Variants in SH3TC2 observed in about 807,000 individuals in gnomAD.
SH3TC2 encodes the protein SH3 domain and tetratricopeptide repeat-containing protein 2.
A neutral mutation model predicts 124.5 loss-of-function variants in SH3TC2; 87 were observed. The ratio of observed to expected loss-of-function variants is 0.70; its 90% CI spans 0.59 to 0.84. The LOEUF (loss-of-function observed/expected upper bound fraction) is 0.84, where lower values mean the gene tolerates loss of function less well. Among genes scored for constraint, SH3TC2 ranks in the 40% least tolerant of loss-of-function variants. The pLI is 0.00. For missense variants in SH3TC2, 1,536 were observed against 1,566.4 expected (o/e 0.98, Z 0.33); for synonymous variants, 634 against 628.5 (o/e 1.01, Z -0.13).
In SH3TC2 at chr5:149,004,439, T is replaced by A; in HGVS notation, c.*272A>T. On this transcript the variant is annotated 3_prime_UTR_variant, in exon 17 of 17. Transcript: ENST00000515425. ...TCTCCAGAATTATGTATGGAGAAAG[T>A]GCTTTTCAGAGGCTGTTTGTGTGGA... 2.1e-6 allele frequency: 1 copy of A among 473,522 alleles called. No homozygotes were observed. Among genetic ancestry groups the A allele is most frequent in the Admixed American group, 3.6e-5 (1 of 27,748 alleles). The allele number at this position is 473,522 out of a possible 1,614,324, so 29.3% of individuals were successfully genotyped here.
At chr5:149,033,477 A>T (rs1427887113) in intron 8 of SH3TC2, among the ~76,000 whole-genome samples, 1 of 152,156 alleles carries the variant, frequency 6.6e-6, no homozygotes, top group Non-Finnish European at 1.5e-5. Context: ...CAAAAACCAA[A>T]CCCAGATTGG....
Position 148,990,685 on chromosome 5 carries a change from A to T in SH3TC2, c.*14026T>A, listed in dbSNP as rs1459484611. On this transcript the variant is annotated 3_prime_UTR_variant, in exon 17 of 17. Coordinates refer to ENST00000515425, the MANE Select transcript of SH3TC2 (RefSeq NM_024577.4). ...GAGGTTGTTGTGAACACAGAAAATG[A>T]AATCATGCATTCAAAGAATTTAATC... Among the ~76,000 whole-genome samples the T allele has an allele frequency of 1.3e-5, 2 of 152,244 alleles. No individual in the cohort carries two copies. The highest frequency in any genetic ancestry group is 2.9e-5 in the Non-Finnish European group (2 of 68,044).
At position 149,040,556 on chromosome 5, in the gene SH3TC2, G is replaced by A. The variant is rs372408904; in HGVS notation, c.805+48C>T. The A allele has an allele frequency of 1.5e-5, 23 of 1,531,594 alleles. No homozygotes were observed. In the African/African-American group the frequency reaches 2.9e-4, roughly 19 times the overall value. 94.9% of individuals were successfully genotyped at this position (1,531,594 alleles called of 1,614,324 possible). A position where few individuals can be genotyped will look rare whatever the true frequency, so the allele number is the denominator to read the frequency against. The stretch of plus-strand genomic sequence containing the variant: ...AACCTGCAGATAAAATTGAGAGGCA[G>A]GACAACATTATCTCCCTAACAATAC... On this transcript the variant is annotated intron_variant, in intron 7 of 16. Transcript: ENST00000515425.
At chr5:149,025,665 T>G (rs934008910) in intron 12 of SH3TC2, 3 of 152,172 alleles carry the variant, frequency 2.0e-5, no homozygotes, top group African/African-American at 7.2e-5. Context: ...CAAATGAGGA[T>G]GAAGCAGCAT....
At chr5:149,040,470 T>C (rs1754350338) in intron 7 of SH3TC2, 134 bp downstream of exon 7, 1 of 796,548 alleles carries the variant, frequency 1.3e-6, no homozygotes, top group Non-Finnish European at 2.2e-6. Context: ...AGACAGAAAC[T>C]GGCTTCCCTA....
chr5:149,057,928 G>T (rs1754679518), intron 1 of SH3TC2, among the ~76,000 whole-genome samples: 1 of 152,208 alleles, frequency 6.6e-6, no homozygotes, highest in African/African-American at 2.4e-5. Context: ...AAGCCAATGA[G>T]AATTAGTTCT....
Position 149,042,794 on chromosome 5 carries a change from C to T in SH3TC2, c.429G>A (p.Lys143=), listed in dbSNP as rs748964376. The part of the protein sequence containing the change: ...MCLEHLLFDH[K]YWLNCILVED... ...CCACCAATATGCAGTTGAGCCAGTA[C>T]TTGTGGTCAAAGAGGAGATGTTCTA... The change falls in exon 5 of 17, where the codon AAG becomes AAA. Residue 143 remains lysine, a synonymous_variant. Transcript: ENST00000515425. 1.9e-6 allele frequency: 3 copies of T among 1,614,158 alleles called. No homozygotes were observed. Among genetic ancestry groups the T allele is most frequent in the Admixed American group, 3.3e-5 (2 of 60,018 alleles).
Position 149,044,705 on chromosome 5 carries a change from G to A in SH3TC2, c.280-67C>T. 3.4e-6 allele frequency: 4 copies of A among 1,160,656 alleles called. No homozygotes were observed. The South Asian group carries it at 5.0e-5, about 14-fold the overall frequency. 71.9% of individuals were successfully genotyped at this position (1,160,656 alleles called of 1,614,324 possible). On this transcript the variant is annotated intron_variant, in intron 3 of 16. Coordinates refer to ENST00000515425, the MANE Select transcript of SH3TC2 (RefSeq NM_024577.4). ...TGTCCCATTAGCAAGCTCTTATATAGACCAAATACTCTGTATGAACTTCTT... is the reference window on the plus strand; with the variant it reads ...TGTCCCATTAGCAAGCTCTTATATAAACCAAATACTCTGTATGAACTTCTT...
At position 148,986,937 on chromosome 5, in the gene SH3TC2, G is replaced by A. The variant is rs1191277526; in HGVS notation, c.*17774C>T. Among the ~76,000 whole-genome samples, 1 of 152,184 alleles carries A rather than the reference G, an allele frequency of 6.6e-6. No individual in the cohort carries two copies. The highest frequency in any genetic ancestry group is 1.9e-4 in the East Asian group (1 of 5,192). On this transcript the variant is annotated 3_prime_UTR_variant, in exon 17 of 17. Transcript: ENST00000515425. ...ATGAGGTCATATCAAGAATTCCAAG[G>A]AGAGGCAGAGTTTTCAAAGACTCCA...
intron 8 of SH3TC2, among the ~76,000 whole-genome samples, chr5:149,037,655 T>G (rs1484336899): frequency 1.3e-5 from 2 of 152,116 alleles, no homozygotes; most frequent in Non-Finnish European, 2.9e-5. Flanking sequence ...TATCCCCACA[T>G]AGGAAGCCCA....
In SH3TC2 at chr5:149,004,922, G is replaced by A. The variant is rs185257638; in HGVS notation, c.3676-20C>T. ...GGCATCCTAACCCCGTGGTATGGGG[G>A]CAAAGAAGAGACAGCATTAGCAAAC... On this transcript the variant is annotated intron_variant, in intron 16 of 16. Coordinates refer to ENST00000515425, the MANE Select transcript of SH3TC2 (RefSeq NM_024577.4). The A allele has an allele frequency of 2.5e-6, 4 of 1,613,856 alleles. No homozygotes were observed. The highest frequency in any genetic ancestry group is 1.7e-5 in the Admixed American group (1 of 60,006).
chr5:149,012,468 C>G (rs1000766960), intron 13 of SH3TC2, 116 bp downstream of exon 13: 5 of 1,361,044 alleles, frequency 3.7e-6, no homozygotes, highest in Non-Finnish European at 5.2e-6. Context: ...CCTTTCTCCA[C>G]AGGCTTAGGG....
intron 16 of SH3TC2, 93 bp from the exon 17 acceptor site, chr5:149,004,995 TGTTTGTTTG>T: frequency 2.5e-6 from 3 of 1,195,920 alleles, no homozygotes; most frequent in Non-Finnish European, 3.6e-6. Flanking sequence ...TAGTTTTTTT[TGTTTGTTTG>T]TTTGTTTGTT....
At chr5:149,038,256 G>C in intron 8 of SH3TC2, 39 bp downstream of exon 8, 1 of 1,602,082 alleles carries the variant, frequency 6.2e-7, no homozygotes, top group Non-Finnish European at 8.5e-7. Context: ...CCTGGGAAAG[G>C]GAGCCCAGCT....
intron 2 of SH3TC2, among the ~76,000 whole-genome samples, chr5:149,050,692 G>C (rs997499643): frequency 6.6e-6 from 1 of 152,172 alleles, no homozygotes; most frequent in African/African-American, 2.4e-5. Context: ...GACAGAATTT[G>C]AAATTGGGCT....
intron 12 of SH3TC2, among the ~76,000 whole-genome samples, chr5:149,018,149 C>G (rs1395692209): frequency 6.6e-6 from 1 of 152,168 alleles, no homozygotes; most frequent in Non-Finnish European, 1.5e-5. Context: ...TTCCACAATT[C>G]TTTCTACGTC....
At chr5:149,024,431 C>G (rs1754030540) in intron 12 of SH3TC2, among the ~76,000 whole-genome samples, 1 of 152,050 alleles carries the variant, frequency 6.6e-6, no homozygotes, top group African/African-American at 2.4e-5. Flanking sequence ...TCAGAGGCAC[C>G]CTAGAAAGCC....
intron 1 of SH3TC2, among the ~76,000 whole-genome samples, chr5:149,055,239 GAC>G (rs1222268542): frequency 1.3e-5 from 2 of 152,044 alleles, no homozygotes; most frequent in Admixed American, 6.5e-5. Context: ...AAAAGCAAGT[GAC>G]AGAGTACAAG....
chr5:149,034,397 T>C (rs1406002723), intron 8 of SH3TC2: 3 of 297,668 alleles, frequency 1.0e-5, no homozygotes, highest in South Asian at 3.0e-5. Context: ...GTACCTCTAA[T>C]AGGAATTCCA....
Sources: gnomAD v4.1 joint callset for allele counts (sites outside exome capture counted in the v4.1 genomes callset) on GRCh38, gnomAD v4.1.1 for gene constraint, MANE v1.5 for transcripts, NCBI Gene and HGNC (gene_info 2026-07-23, HGNC 2026-07-21) for gene names.